Variants in AFF3 observed in about 807,000 individuals in gnomAD.
AFF3 encodes the protein AF4/FMR2 family member 3.
AFF3 carries 32 observed loss-of-function variants against 129.7 expected under a neutral mutation model. That is an observed-to-expected ratio of 0.25 (90% CI 0.19 to 0.33). The LOEUF (loss-of-function observed/expected upper bound fraction) is 0.33, where lower values mean the gene tolerates loss of function less well. Among genes scored for constraint, AFF3 ranks in the 10% least tolerant of loss-of-function variants. The pLI, the probability that AFF3 is intolerant of heterozygous loss-of-function variation, is 1.00. For synonymous variants in AFF3, 644 were observed against 635.4 expected, an observed-to-expected ratio of 1.01 and a Z score of -0.20; for missense variants, 1,373 against 1,592.0, an observed-to-expected ratio of 0.86 and a Z score of 2.34.
At chr2:99,689,954 G>T (rs988698806) in intron 11 of AFF3, among the ~76,000 whole-genome samples, 19 of 150,440 alleles carry the variant, frequency 1.3e-4, no homozygotes, top group Non-Finnish European at 1.0e-4. Context: ...GGGCATGATG[G>T]TATGTGCCTG....
chr2:100,014,511 C>A (rs550505019), intron 4 of AFF3, among the ~76,000 whole-genome samples: 1 of 152,172 alleles, frequency 6.6e-6, no homozygotes, highest in Admixed American at 6.5e-5. Context: ...CAGTCTGGGG[C>A]AAGGAGAATG....
intron 11 of AFF3, among the ~76,000 whole-genome samples, chr2:99,677,919 A>G (rs970579273): frequency 3.9e-5 from 6 of 152,118 alleles, no homozygotes; most frequent in Non-Finnish European, 7.4e-5. Flanking sequence ...CCTAGGCTCA[A>G]GCAATCGTCC....
At chr2:99,623,151 CTTT>C (rs77383046) in intron 13 of AFF3, among the ~76,000 whole-genome samples, 12 of 124,118 alleles carry the variant, frequency 9.7e-5, no homozygotes, top group Middle Eastern at 3.9e-3. Flanking sequence ...ACCTCTGGTT[CTTT>C]TTTTTTTTTT....
intron 7 of AFF3, among the ~76,000 whole-genome samples, chr2:99,999,429 C>T (rs1681179470): frequency 6.6e-6 from 1 of 152,200 alleles, no homozygotes; most frequent in Non-Finnish European, 1.5e-5. Flanking sequence ...CTATTGAGCA[C>T]AAACTATGTG....
At chr2:99,830,283 TA>T (rs1044852513) in intron 8 of AFF3, among the ~76,000 whole-genome samples, 11 of 146,740 alleles carry the variant, frequency 7.5e-5, no homozygotes, top group African/African-American at 1.0e-4. Flanking sequence ...GAGCTTAAAG[TA>T]AAAAAAAAAT....
rs1679009919 is a variant in AFF3 at position 99,593,885 on chromosome 2, C to T, written c.1776G>A (p.Glu592=). The T allele has an allele frequency of 1.3e-6, 2 of 1,508,260 alleles. No homozygotes were observed. Among genetic ancestry groups the T allele is most frequent in the South Asian group, 2.6e-5 (2 of 78,316 alleles). The allele number at this position is 1,508,260 out of a possible 1,614,324, so 93.4% of individuals were successfully genotyped here. A position where few individuals can be genotyped will look rare whatever the true frequency, so the allele number is the denominator to read the frequency against. The change falls in exon 15 of 25, where the codon GAG becomes GAA. Residue 592 remains glutamate (E), a synonymous_variant. Coordinates refer to ENST00000672756, the MANE Select transcript of AFF3 (RefSeq NM_001386135.1). ...TGGCGCCGTCCCCGGCTGAGGTCCTCTCGGTGCGCCTGGTGGGCTTCTTGC... is the reference window on the plus strand; with the variant it reads ...TGGCGCCGTCCCCGGCTGAGGTCCTTTCGGTGCGCCTGGTGGGCTTCTTGC... The part of the protein sequence containing the change: ...SAGKKPTRRT[E]RTSAGDGANC...
chr2:99,821,561 T>C (rs574350815), intron 8 of AFF3, among the ~76,000 whole-genome samples: 1 of 152,342 alleles, frequency 6.6e-6, no homozygotes, highest in East Asian at 1.9e-4. Context: ...TTGGGCCGCA[T>C]TCAAAGCCGT....
intron 7 of AFF3, among the ~76,000 whole-genome samples, chr2:99,849,692 AGC>A (rs1219347325): frequency 2.0e-5 from 3 of 152,242 alleles, no homozygotes; most frequent in Non-Finnish European, 4.4e-5. Flanking sequence ...TAGAAAAGAA[AGC>A]AATGATTACT....
At position 99,546,964 on chromosome 2, in the gene AFF3, G is replaced by A. The variant is rs1303156519; in HGVS notation, c.*4510C>T. 4.5e-6 allele frequency: 1 copy of A among 221,904 alleles called. No homozygotes were observed. The highest frequency in any genetic ancestry group is 9.0e-6 in the Non-Finnish European group (1 of 110,970). The allele number at this position is 221,904 out of a possible 1,614,324, so 13.7% of individuals were successfully genotyped here. A position where few individuals can be genotyped will look rare whatever the true frequency, so the allele number is the denominator to read the frequency against. On this transcript the variant is annotated 3_prime_UTR_variant, in exon 25 of 25. Transcript: ENST00000672756. ...TGCATGTGCATACGTGCATGCATGT[G>A]CGCGCGTGTGTGCGTATGTGTATGT...
At chr2:99,741,073 G>T (rs1471024600) in intron 10 of AFF3, among the ~76,000 whole-genome samples, 1 of 152,140 alleles carries the variant, frequency 6.6e-6, no homozygotes, top group Non-Finnish European at 1.5e-5. Context: ...TTTCCCCATT[G>T]CTTGTTTTTC....
chr2:99,817,043 A>G (rs1687291020), intron 8 of AFF3, among the ~76,000 whole-genome samples: 1 of 152,166 alleles, frequency 6.6e-6, no homozygotes, highest in Non-Finnish European at 1.5e-5. Context: ...CAGTGCCCTC[A>G]GGCTGCAGTT....
At chr2:100,006,062 C>T (rs1306153189) in intron 7 of AFF3, 2 of 152,264 alleles carry the variant, frequency 1.3e-5, no homozygotes, top group African/African-American at 4.8e-5. Context: ...TGGTCTGAGA[C>T]AGGACAGGAT....
intron 8 of AFF3, among the ~76,000 whole-genome samples, chr2:99,772,871 TGA>T (rs1683602370): frequency 6.6e-6 from 1 of 152,232 alleles, no homozygotes; most frequent in South Asian, 2.1e-4. Context: ...CTTTCCTGCC[TGA>T]GAGGGTTTGT....
intron 7 of AFF3, among the ~76,000 whole-genome samples, chr2:99,945,192 G>C (rs922537746): frequency 2.6e-5 from 4 of 152,224 alleles, no homozygotes; most frequent in African/African-American, 9.6e-5. Flanking sequence ...CCTTTAGCTG[G>C]TTGTGGGAAG....
At chr2:99,969,481 T>TTATTTATTTATTTATG (rs1678129028) in intron 7 of AFF3, among the ~76,000 whole-genome samples, 1 of 151,834 alleles carries the variant, frequency 6.6e-6, no homozygotes, top group African/African-American at 2.4e-5. Context: ...TTATTTTCAT[T>TTATTTATTTATTTATG]TATTTATTTA....
At chr2:99,955,073 C>G (rs1414452924) in intron 7 of AFF3, among the ~76,000 whole-genome samples, 1 of 151,898 alleles carries the variant, frequency 6.6e-6, no homozygotes, top group Non-Finnish European at 1.5e-5. Flanking sequence ...GCAACTTCCA[C>G]ATAACACAAA....
intron 12 of AFF3, among the ~76,000 whole-genome samples, chr2:99,656,941 A>G (rs1190600916): frequency 6.6e-6 from 1 of 152,176 alleles, no homozygotes; most frequent in Admixed American, 6.5e-5. Context: ...TTTATCATCC[A>G]AATAAGAACA....
At chr2:99,695,938 G>GAAAAAAAAAAAAA (rs10719354) in intron 11 of AFF3, among the ~76,000 whole-genome samples, 238 of 57,600 alleles carry the variant, frequency 4.1e-3, no homozygotes, top group African/African-American at 8.1e-3. Context: ...CTGGAAAAAT[G>GAAAAAAAAAAAAA]AAAAAAAAAA....
At chr2:100,081,214 A>C (rs2666317) in intron 4 of AFF3, among the ~76,000 whole-genome samples, 57 of 152,272 alleles carry the variant, frequency 3.7e-4, no homozygotes, top group Admixed American at 2.5e-3. Context: ...ACTATGCAAT[A>C]TAAGCAAGTT....
Sources: gnomAD v4.1 joint callset for allele counts (sites outside exome capture counted in the v4.1 genomes callset) on GRCh38, gnomAD v4.1.1 for gene constraint, MANE v1.5 for transcripts, NCBI Gene and HGNC (gene_info 2026-07-23, HGNC 2026-07-21) for gene names.